Variants in GALNT13 observed in about 807,000 individuals in gnomAD.
GALNT13 encodes the protein UDP-GalNAc:polypeptide N-acetylgalactosaminyltransferase 13.
In GALNT13, 28 loss-of-function variants were observed where a neutral mutation model predicts 64.2. That is an observed-to-expected ratio of 0.44 (90% CI 0.32 to 0.60). The LOEUF is 0.60. Among genes scored for constraint, GALNT13 ranks in the 20% least tolerant of loss-of-function variants. The pLI, the probability that GALNT13 is intolerant of heterozygous loss-of-function variation, is 0.05. For missense variants in GALNT13, 577 were observed against 669.8 expected, an observed-to-expected ratio of 0.86 and a Z score of 1.53; for synonymous variants, 214 against 224.6, an observed-to-expected ratio of 0.95 and a Z score of 0.42.
chr2:153,179,290 A>C, the GALNT13 span, among the ~76,000 whole-genome samples: 4 of 151,896 alleles, frequency 2.6e-5, no homozygotes, highest in Admixed American at 2.6e-4. Context: ...TATTTAAGGG[A>C]CTCCTTTTCA....
At chr2:153,627,819 G>T in the GALNT13 span, among the ~76,000 whole-genome samples, 1 of 152,124 alleles carries the variant, frequency 6.6e-6, no homozygotes, top group Non-Finnish European at 1.5e-5. Context: ...GCTTGGGATT[G>T]ACTTGGCGAT....
At chr2:153,344,533 C>A in the GALNT13 span, among the ~76,000 whole-genome samples, 1 of 152,072 alleles carries the variant, frequency 6.6e-6, no homozygotes, top group African/African-American at 2.4e-5. Context: ...ATTCTGTCAC[C>A]AGGCTGGTGT....
At chr2:154,262,513 T>C (rs1690755042) in intron 8 of GALNT13, among the ~76,000 whole-genome samples, 1 of 152,202 alleles carries the variant, frequency 6.6e-6, no homozygotes, top group African/African-American at 2.4e-5. Context: ...GTCTTAATGC[T>C]TCTGAAAGCT....
chr2:153,380,116 A>G, the GALNT13 span, among the ~76,000 whole-genome samples: 3 of 152,154 alleles, frequency 2.0e-5, no homozygotes, highest in Non-Finnish European at 2.9e-5. Context: ...TTGACCTTCC[A>G]TATCCATGGC....
the GALNT13 span, among the ~76,000 whole-genome samples, chr2:153,701,917 T>C: frequency 1.3e-5 from 2 of 152,280 alleles, no homozygotes; most frequent in East Asian, 3.9e-4. Flanking sequence ...TGGAAGATAG[T>C]GTGGCTATTC....
chr2:154,168,454 A>G (rs1685156557), intron 4 of GALNT13, among the ~76,000 whole-genome samples: 1 of 152,112 alleles, frequency 6.6e-6, no homozygotes, highest in African/African-American at 2.4e-5. Context: ...AAATACCACT[A>G]TAGAAACATC....
chr2:154,104,620 T>A (rs1702515936), intron 3 of GALNT13, among the ~76,000 whole-genome samples: 1 of 152,198 alleles, frequency 6.6e-6, no homozygotes, highest in South Asian at 2.1e-4. Flanking sequence ...TATCTGTGTT[T>A]CCTTTGTCTC....
the GALNT13 span, among the ~76,000 whole-genome samples, chr2:153,255,864 G>C: frequency 3.9e-5 from 6 of 152,174 alleles, no homozygotes; most frequent in African/African-American, 1.4e-4. Flanking sequence ...TTCCCTTTGT[G>C]GGTAACTTCA....
At chr2:154,443,587 A>T (rs1006504434) in intron 12 of GALNT13, among the ~76,000 whole-genome samples, 13 of 152,072 alleles carry the variant, frequency 8.5e-5, no homozygotes, top group African/African-American at 3.1e-4. Flanking sequence ...CTATGCAGTC[A>T]GTTCATTAAA....
At chr2:154,135,075 CATATGTA>C (rs1682872890) in intron 3 of GALNT13, among the ~76,000 whole-genome samples, 2 of 152,118 alleles carry the variant, frequency 1.3e-5, no homozygotes, top group African/African-American at 4.8e-5. Flanking sequence ...ATTTTAAATA[CATATGTA>C]TGTTTATGTA....
chr2:153,716,171 C>T, the GALNT13 span, among the ~76,000 whole-genome samples: 5 of 152,212 alleles, frequency 3.3e-5, no homozygotes, highest in African/African-American at 9.6e-5. Context: ...TTTGGGAGCC[C>T]GAGAGAAAAT....
At chr2:154,102,528 G>A (rs1227447422) in intron 3 of GALNT13, among the ~76,000 whole-genome samples, 3 of 152,142 alleles carry the variant, frequency 2.0e-5, no homozygotes, top group African/African-American at 7.2e-5. Context: ...GGGTAAAATC[G>A]TGGGAGTGGG....
the GALNT13 span, among the ~76,000 whole-genome samples, chr2:153,440,033 A>G: frequency 2.0e-5 from 3 of 152,088 alleles, no homozygotes; most frequent in Non-Finnish European, 2.9e-5. Flanking sequence ...TACACTTGCC[A>G]TGGTGGTTTG....
chr2:153,327,505 T>G, the GALNT13 span, among the ~76,000 whole-genome samples: 1 of 152,030 alleles, frequency 6.6e-6, no homozygotes, highest in African/African-American at 2.4e-5. Flanking sequence ...TCATTCTTTT[T>G]TCTCTAATCT....
chr2:154,009,501 CTTT>C (rs34094447), intron 3 of GALNT13, among the ~76,000 whole-genome samples: 1 of 142,328 alleles, frequency 7.0e-6, no homozygotes. Context: ...GGTGTTATGG[CTTT>C]TTTTTTTTTT....
At position 154,401,338 on chromosome 2, in the gene GALNT13, C is replaced by T. The variant is rs183302265; in HGVS notation, c.1296+5208C>T. Reference sequence around the variant, plus strand: ...TGGTAATCAGATCTATTTATAGATTCACAGTCTTCTTGGCCCTTTAATAGG... The same window carrying T: ...TGGTAATCAGATCTATTTATAGATTTACAGTCTTCTTGGCCCTTTAATAGG... On this transcript the variant is annotated intron_variant, in intron 10 of 12. Coordinates refer to ENST00000392825, the MANE Select transcript of GALNT13 (RefSeq NM_052917.4). 2.3e-3 allele frequency among the ~76,000 whole-genome samples: 345 copies of T among 152,252 alleles called. 1 individual carries two copies. Among genetic ancestry groups the T allele is most frequent in the African/African-American group, 7.3e-3 (304 of 41,580 alleles).
the GALNT13 span, among the ~76,000 whole-genome samples, chr2:153,392,163 T>A: frequency 6.6e-6 from 1 of 150,388 alleles, no homozygotes; most frequent in South Asian, 2.1e-4. Context: ...TATTTTACCA[T>A]AAAATAACAT....
the GALNT13 span, among the ~76,000 whole-genome samples, chr2:153,308,486 C>A: frequency 1.3e-5 from 2 of 152,260 alleles, no homozygotes; most frequent in East Asian, 1.9e-4. Context: ...GTTCAATTTT[C>A]TCAGATCAGG....
chr2:154,359,528 A>G (rs866195488), intron 9 of GALNT13, among the ~76,000 whole-genome samples: 14 of 152,056 alleles, frequency 9.2e-5, no homozygotes, highest in African/African-American at 3.1e-4. Context: ...CTACCTTAAG[A>G]GCTAAAACGA....
Sources: gnomAD v4.1 joint callset for allele counts (sites outside exome capture counted in the v4.1 genomes callset) on GRCh38, gnomAD v4.1.1 for gene constraint, MANE v1.5 for transcripts, NCBI Gene and HGNC (gene_info 2026-07-23, HGNC 2026-07-21) for gene names.